The following AFF4 variants were observed in gnomAD, a reference collection of about 807,000 sequenced individuals.
AFF4 encodes ALF transcription elongation factor 4.
A neutral mutation model predicts 124.8 loss-of-function variants in AFF4; 13 were observed. That is an observed-to-expected ratio of 0.10 (90% CI 0.07 to 0.17). The LOEUF (loss-of-function observed/expected upper bound fraction) is 0.17, where lower values mean the gene tolerates loss of function less well. AFF4 is among the 10% of genes least tolerant of loss of function. AFF4 has a pLI of 1.00. For missense variants in AFF4, 1,092 were observed against 1,403.8 expected (o/e 0.78, Z 3.55); for synonymous variants, 477 against 496.1 (o/e 0.96, Z 0.51).
chr5:132,922,347 G>C (rs1761066934), intron 5 of AFF4, among the ~76,000 whole-genome samples: 1 of 151,876 alleles, frequency 6.6e-6, no homozygotes, highest in Non-Finnish European at 1.5e-5. Flanking sequence ...GAGTCCGGGA[G>C]TTCGTGAGTG....
chr5:132,939,612 CTTT>C (rs1289411437), intron 1 of AFF4, among the ~76,000 whole-genome samples: 1 of 152,148 alleles, frequency 6.6e-6, no homozygotes, highest in Non-Finnish European at 1.5e-5. Context: ...TCTGCAACTT[CTTT>C]TTTCTTTTTT....
chr5:132,878,942 C>T lies in AFF4; in HGVS notation c.*2117G>A, dbSNP rs1472542988. 1 of 221,410 alleles carries T rather than the reference C, an allele frequency of 4.5e-6. No homozygotes were observed. Among genetic ancestry groups the T allele is most frequent in the African/African-American group, 2.2e-5 (1 of 44,706 alleles). 13.7% of individuals were successfully genotyped at this position (221,410 alleles called of 1,614,324 possible). A position where few individuals can be genotyped will look rare whatever the true frequency, so the allele number is the denominator to read the frequency against. On this transcript the variant is annotated 3_prime_UTR_variant, in exon 21 of 21. Coordinates refer to ENST00000265343, the MANE Select transcript of AFF4 (RefSeq NM_014423.4). ...TCACTGCAAATTAAGGAATCCAAGT[C>T]AGAAAAATCAGAGAAGGACAAGACA...
intron 1 of AFF4, among the ~76,000 whole-genome samples, chr5:132,950,609 A>G (rs1427470140): frequency 6.6e-6 from 1 of 152,202 alleles, no homozygotes. Context: ...AGATTGCGCC[A>G]CTGCACTCCA....
chr5:132,883,272 C>T (rs1760031611), intron 20 of AFF4, 68 bp downstream of exon 20: 7 of 1,445,692 alleles, frequency 4.8e-6, no homozygotes, highest in Non-Finnish European at 6.7e-6. Context: ...TAAACGCTTA[C>T]TTAACTAAAT....
Position 132,875,783 on chromosome 5 carries a change from T to A in AFF4, c.*5276A>T, listed in dbSNP as rs1759824258. The A allele has an allele frequency of 9.6e-6, 2 of 209,166 alleles. No homozygotes were observed. Among genetic ancestry groups the A allele is most frequent in the Non-Finnish European group, 1.9e-5 (2 of 102,612 alleles). 13.0% of individuals were successfully genotyped at this position (209,166 alleles called of 1,614,324 possible). A position where few individuals can be genotyped will look rare whatever the true frequency, so the allele number is the denominator to read the frequency against. ...TGTAATGTATTGCAACAAATAAAAATCACAGTATATAATTGAAATTCTGGT... is the reference window on the plus strand; with the variant it reads ...TGTAATGTATTGCAACAAATAAAAAACACAGTATATAATTGAAATTCTGGT... On this transcript the variant is annotated 3_prime_UTR_variant, in exon 21 of 21. Coordinates refer to ENST00000265343, the MANE Select transcript of AFF4 (RefSeq NM_014423.4).
At chr5:132,932,306 GTATT>G in intron 3 of AFF4, 84 bp from the exon 4 acceptor site, 3 of 1,129,546 alleles carry the variant, frequency 2.7e-6, no homozygotes, top group Non-Finnish European at 3.9e-6. Context: ...ATTATTAAAA[GTATT>G]TATGACCCCA....
At chr5:132,953,522 T>A (rs1761888639) in intron 1 of AFF4, among the ~76,000 whole-genome samples, 1 of 152,076 alleles carries the variant, frequency 6.6e-6, no homozygotes, top group South Asian at 2.1e-4. Flanking sequence ...AGTGCTGGGA[T>A]TACAAGAACT....
chr5:132,921,799 C>A (rs531206500), intron 5 of AFF4, among the ~76,000 whole-genome samples: 31 of 151,882 alleles, frequency 2.0e-4, no homozygotes, highest in African/African-American at 6.5e-4. Context: ...CTTTCCCCCC[C>A]AGAGAGAGTC....
intron 1 of AFF4, among the ~76,000 whole-genome samples, chr5:132,949,838 ACT>A (rs957147651): frequency 3.0e-5 from 4 of 134,942 alleles, no homozygotes; most frequent in Admixed American, 7.3e-5. Context: ...CTAGAGCGAG[ACT>A]CTGTCTCAAA....
intron 18 of AFF4, among the ~76,000 whole-genome samples, chr5:132,885,515 T>A (rs1432774653): frequency 6.6e-6 from 1 of 151,820 alleles, no homozygotes; most frequent in Admixed American, 6.6e-5. Context: ...AATCATACTA[T>A]GCACAAAGGC....
At chr5:132,892,895 G>A (rs1581274712) in intron 12 of AFF4, 135 bp downstream of exon 12, 1 of 744,268 alleles carries the variant, frequency 1.3e-6, no homozygotes, top group South Asian at 1.9e-5. Context: ...CCACTATTTG[G>A]CATATGTTAT....
rs116336728 is a variant in AFF4 at position 132,954,161 on chromosome 5, C to T, written c.-5+9098G>A. ...TGGCACCAGGGACCAGTTTCACAGA[C>T]GACAATTTTTCCATGGATGGACAGG... On this transcript the variant is annotated intron_variant, in intron 1 of 20. Coordinates refer to ENST00000265343, the MANE Select transcript of AFF4 (RefSeq NM_014423.4). 5.2e-3 allele frequency among the ~76,000 whole-genome samples: 792 copies of T among 152,214 alleles called. 5 individuals are homozygous for T. Among genetic ancestry groups the T allele is most frequent in the Non-Finnish European group, 8.3e-3 (565 of 68,018 alleles).
Position 132,881,012 on chromosome 5 carries a change from GAC to G in AFF4, c.*45_*46del, listed in dbSNP as rs1759962851. 3 of 1,585,738 alleles carry G rather than the reference GAC, an allele frequency of 1.9e-6. No homozygotes were observed. The highest frequency in any genetic ancestry group is 1.2e-5 in the South Asian group (1 of 86,908). ...TTATGGCAGTTTTCCTTCGTGATGT[GAC>G]ACAGTGTTGTGGAGAAAATCAGAGG... On this transcript the variant is annotated 3_prime_UTR_variant, in exon 21 of 21. Transcript: ENST00000265343.
At chr5:132,937,292 C>T in intron 1 of AFF4, 99 bp from the exon 2 acceptor site, 1 of 1,377,216 alleles carries the variant, frequency 7.3e-7, no homozygotes, top group Non-Finnish European at 9.6e-7. Flanking sequence ...CACAGATTCC[C>T]TTTTGACCTC....
chr5:132,915,747 T>C (rs1301746963), intron 5 of AFF4, among the ~76,000 whole-genome samples: 1 of 151,610 alleles, frequency 6.6e-6, no homozygotes, highest in Non-Finnish European at 1.5e-5. Context: ...TTTGTATTTT[T>C]AGTAGAGATG....
Position 132,896,278 on chromosome 5 carries a change from C to G in AFF4, c.2307+45G>C, listed in dbSNP as rs548131269. ...GCTTACTGAGATTTCCACCGCATTT[C>G]AGATTCTGATGTTTCAAAACAAACA... On this transcript the variant is annotated intron_variant, in intron 11 of 20. Transcript: ENST00000265343. The G allele has an allele frequency of 4.6e-6, 7 of 1,529,012 alleles. No homozygotes were observed. In the African/African-American group the frequency reaches 9.7e-5, roughly 21 times the overall value. 94.7% of individuals were successfully genotyped at this position (1,529,012 alleles called of 1,614,324 possible).
chr5:132,917,769 A>G (rs1361655545), intron 5 of AFF4, among the ~76,000 whole-genome samples: 5 of 123,674 alleles, frequency 4.0e-5, no homozygotes, highest in African/African-American at 1.6e-4. Flanking sequence ...CTGGAGTGCA[A>G]TGGCGCAATC....
chr5:132,926,633 C>A (rs1212078196), intron 5 of AFF4: 1 of 150,248 alleles, frequency 6.7e-6, no homozygotes, highest in African/African-American at 2.5e-5. Flanking sequence ...ACCTCCCAGG[C>A]TCAAGTGATC....
At position 132,880,767 on chromosome 5, in the gene AFF4, A is replaced by G; in HGVS notation, c.*292T>C. On this transcript the variant is annotated 3_prime_UTR_variant, in exon 21 of 21. Coordinates refer to ENST00000265343, the MANE Select transcript of AFF4 (RefSeq NM_014423.4). Reference sequence around the variant, plus strand: ...AAAAATTAAAATAAATAAAATTTCAATTCATTAGTTATGAATTGCAACTGG... The same window carrying G: ...AAAAATTAAAATAAATAAAATTTCAGTTCATTAGTTATGAATTGCAACTGG... The G allele has an allele frequency of 3.3e-6, 1 of 301,142 alleles. No individual in the cohort carries two copies. Among genetic ancestry groups the G allele is most frequent in the East Asian group, 5.1e-5 (1 of 19,712 alleles). The allele number at this position is 301,142 out of a possible 1,614,324, so 18.7% of individuals were successfully genotyped here.
Sources: gnomAD v4.1 joint callset for allele counts (sites outside exome capture counted in the v4.1 genomes callset) on GRCh38, gnomAD v4.1.1 for gene constraint, MANE v1.5 for transcripts, NCBI Gene and HGNC (gene_info 2026-07-23, HGNC 2026-07-21) for gene names.